Variants in SSC5D observed in about 807,000 individuals in gnomAD.
SSC5D encodes scavenger receptor cysteine rich family member with 5 domains.
SSC5D carries 106 observed loss-of-function variants against 104.6 expected under a neutral mutation model. The observed-to-expected ratio is 1.01, with a 90% CI of 0.87 to 1.19. The LOEUF (loss-of-function observed/expected upper bound fraction) is 1.19, where lower values mean the gene tolerates loss of function less well. Ranked by LOEUF, SSC5D falls within the 50% of genes most tolerant of loss-of-function variation. The pLI is 0.00. For missense variants in SSC5D, 1,993 were observed against 2,153.8 expected, an observed-to-expected ratio of 0.93 and a Z score of 1.48; for synonymous variants, 860 against 883.5, an observed-to-expected ratio of 0.97 and a Z score of 0.47.
chr19:55,501,336 C>T (rs1987498648), intron 12 of SSC5D, 135 bp downstream of exon 12: 1 of 1,027,146 alleles, frequency 9.7e-7, no homozygotes, highest in African/African-American at 1.6e-5. Context: ...TTCCTTGGCT[C>T]CTGAGACCCT....
At chr19:55,489,849 C>T (rs1272878892) in intron 3 of SSC5D, 33 bp from the exon 4 acceptor site, 2 of 1,537,180 alleles carry the variant, frequency 1.3e-6, no homozygotes, top group Non-Finnish European at 1.8e-6. Flanking sequence ...CCCTCCTCTC[C>T]TCATAGCTTC....
chr19:55,490,430 CCG>C, intron 5 of SSC5D, 22 bp downstream of exon 5: 1 of 630,592 alleles, frequency 1.6e-6, no homozygotes, highest in Non-Finnish European at 2.5e-6. Context: ...GCAGGCTCCC[CCG>C]ACCCCAAGGC....
At chr19:55,501,334 C>CTCCTGAGA in intron 12 of SSC5D, 133 bp downstream of exon 12, 1 of 1,039,054 alleles carries the variant, frequency 9.6e-7, no homozygotes, top group South Asian at 1.7e-5. Flanking sequence ...TTTTCCTTGG[C>CTCCTGAGA]TCCTGAGACC....
rs1372730600 is a variant in SSC5D, at chr19:55,490,882, G to C, written c.697G>C (p.Ala233Pro). The C allele has an allele frequency of 6.5e-7, 1 of 1,546,184 alleles. No homozygotes were observed. Among genetic ancestry groups the C allele is most frequent in the South Asian group, 1.2e-5 (1 of 83,622 alleles). Residue 233 changes from alanine (A) to proline (P), a missense_variant, in exon 6 of 14, where the codon GCT (alanine) becomes CCT (proline). Transcript: ENST00000389623. ...CDDGWDLRDA[A>P]VACRELGCGG... is the part of the protein sequence containing the mutation. ...CGATGGCTGGGACCTGCGCGACGCTGCTGTAGCCTGCCGGGAACTGGGCTG... is the reference window on the plus strand; with the variant it reads ...CGATGGCTGGGACCTGCGCGACGCTCCTGTAGCCTGCCGGGAACTGGGCTG...
intron 13 of SSC5D, among the ~76,000 whole-genome samples, chr19:55,514,449 A>G (rs1730145263): frequency 1.5e-5 from 1 of 65,748 alleles, no homozygotes; most frequent in South Asian, 3.6e-4. Flanking sequence ...TAATAATAAT[A>G]ATAATAATAG....
chr19:55,515,356 A>C (rs2123459255), intron 13 of SSC5D, among the ~76,000 whole-genome samples: 1 of 144,448 alleles, frequency 6.9e-6, no homozygotes, highest in African/African-American at 2.6e-5. Flanking sequence ...AGATCGCGCC[A>C]CTGCACTCCA....
intron 9 of SSC5D, among the ~76,000 whole-genome samples, chr19:55,499,133 A>G (rs7258554): frequency 0.4 from 60,582 of 152,144 alleles, 12,760 homozygotes; most frequent in South Asian, 0.57. Context: ...AGCATAGGCG[A>G]TCTGGCATGG....
At chr19:55,495,406 T>C (rs532093291) in intron 8 of SSC5D, among the ~76,000 whole-genome samples, 1 of 149,010 alleles carries the variant, frequency 6.7e-6, no homozygotes, top group African/African-American at 2.5e-5. Context: ...TTTTGTATTT[T>C]TTTTTTTTGC....
At chr19:55,491,226 C>T (rs2123429508) in intron 6 of SSC5D, 146 bp downstream of exon 6, 1 of 847,628 alleles carries the variant, frequency 1.2e-6, no homozygotes, top group Non-Finnish European at 1.8e-6. Flanking sequence ...TCACCACGCT[C>T]TCCAGCCCCT....
intron 12 of SSC5D, chr19:55,504,265 C>A: frequency 1.1e-5 from 17 of 1,513,068 alleles, no homozygotes; most frequent in Non-Finnish European, 1.4e-5. Flanking sequence ...GGCCTCGGGA[C>A]CCCTCCCGTA....
intron 3 of SSC5D, 107 bp from the exon 4 acceptor site, chr19:55,489,775 C>T (rs1467147754): frequency 3.4e-6 from 5 of 1,473,586 alleles, no homozygotes; most frequent in East Asian, 2.5e-5. Context: ...GACACCCAAC[C>T]TCCCATCCCC....
At chr19:55,501,327 T>C (rs1405499648) in intron 12 of SSC5D, 126 bp downstream of exon 12, 1 of 1,148,126 alleles carries the variant, frequency 8.7e-7, no homozygotes, top group East Asian at 2.6e-5. Context: ...GGAAAGGTTT[T>C]CCTTGGCTCC....
In SSC5D at chr19:55,517,710, C is replaced by A; in HGVS notation, c.3434C>A (p.Pro1145His). 6.4e-7 allele frequency: 1 copy of A among 1,551,094 alleles called. No individual in the cohort carries two copies. Among genetic ancestry groups the A allele is most frequent in the Non-Finnish European group, 8.7e-7 (1 of 1,146,840 alleles). ...TCAGAATATTCTAGATCCCCAGACC[C>A]CTCCCCAAGCCCTCACCCCACTACT... ...TVSEYSRSPD[P>H]SPSPHPTTTP... Residue 1145 changes from proline (P) to histidine (H), a missense_variant, in exon 14 of 14, where the codon CCC (proline) becomes CAC (histidine). By Grantham distance (77) the Pro-to-His change is moderately conservative. Around this residue, in one of 6 missense-constraint regions of SSC5D, gnomAD observed 423 missense variants for 409.2 expected, o/e 1.03. Coordinates refer to ENST00000389623, the MANE Select transcript of SSC5D (RefSeq NM_001144950.2).
chr19:55,503,576 G>A lies in SSC5D; in HGVS notation c.2785+2375G>A, dbSNP rs936546449. 2.0e-5 allele frequency among the ~76,000 whole-genome samples: 3 copies of A among 151,348 alleles called. No homozygotes were observed. The highest frequency in any genetic ancestry group is 4.9e-5 in the African/African-American group (2 of 40,842). On this transcript the variant is annotated intron_variant, in intron 12 of 13. Transcript: ENST00000389623. This position sits in a 1 kb window ranked among gnomAD's most constrained non-coding sequence, Gnocchi z 4.0. ...GTTTCTCACCGTCCCCGCCGCCCTCGCCGCTCCCTCACGGGAGGTTTCACT... is the reference window on the plus strand; with the variant it reads ...GTTTCTCACCGTCCCCGCCGCCCTCACCGCTCCCTCACGGGAGGTTTCACT...
Position 55,518,816 on chromosome 19 carries a change from G to T in SSC5D, c.4540G>T (p.Glu1514Ter). The T allele has an allele frequency of 1.3e-6, 2 of 1,550,402 alleles. No homozygotes were observed. The highest frequency in any genetic ancestry group is 1.7e-6 in the Non-Finnish European group (2 of 1,146,974). Residue 1514 changes from glutamate (E) to a stop codon, truncating the protein, a stop_gained, in exon 14 of 14, where the codon GAG (glutamate) becomes TAG (stop). Coordinates refer to ENST00000389623, the MANE Select transcript of SSC5D (RefSeq NM_001144950.2). LOFTEE classifies it high-confidence loss of function. The stretch of plus-strand genomic sequence containing the variant: ...GAGACTGACCCAGGTCGTGGAACAG[G>T]AGCGGCAGGAGCGCCAAGCCCTGCT... ...LQRLTQVVEQERQERQALLLG... is the reference protein window; with the variant it reads ...LQRLTQVVEQ
intron 12 of SSC5D, among the ~76,000 whole-genome samples, chr19:55,502,814 C>G (rs1466245568): frequency 6.6e-6 from 1 of 150,850 alleles, no homozygotes; most frequent in Non-Finnish European, 1.5e-5. Context: ...CACCACCATG[C>G]CTGGCTAATT....
chr19:55,494,178 AGG>A (rs1174251589), intron 7 of SSC5D, among the ~76,000 whole-genome samples: 1 of 151,734 alleles, frequency 6.6e-6, no homozygotes, highest in Non-Finnish European at 1.5e-5. Context: ...CCTGGCACCC[AGG>A]GGTTAGAGGC....
In SSC5D at chr19:55,493,818, T is replaced by G; in HGVS notation, c.1119T>G (p.Cys373Trp). 6.5e-7 allele frequency: 1 copy of G among 1,549,048 alleles called. No individual in the cohort carries two copies. Among genetic ancestry groups the G allele is most frequent in the Non-Finnish European group, 8.7e-7 (1 of 1,146,520 alleles). Reference sequence around the variant, plus strand: ...CCATCATCCTGGACGACCTTCGGTGTCGGGGAAACGAGACGGCCTTACGAT... The same window carrying G: ...CCATCATCCTGGACGACCTTCGGTGGCGGGGAAACGAGACGGCCTTACGAT... Reference protein sequence around the residue: ...SGPIILDDLRCRGNETALRFC... With the variant: ...SGPIILDDLRWRGNETALRFC... The change falls in exon 7 of 14, where the codon TGT becomes TGG. Residue 373 changes from cysteine (C) to tryptophan (W), a missense_variant. By Grantham distance (215) the Cys-to-Trp change is radical. Around this residue, in one of 6 missense-constraint regions of SSC5D, gnomAD observed 1,101 missense variants for 1,085.0 expected, o/e 1.01. Coordinates refer to ENST00000389623, the MANE Select transcript of SSC5D (RefSeq NM_001144950.2).
rs1987948855 is a variant in SSC5D, at chr19:55,518,596, C to T, written c.4320C>T (p.Pro1440=). ...CTGACCTTACTGTGTCCCCTGACCC[C>T]CTCCTTTCCCCCACAGCCCACCCCT... ...SASDLTVSPD[P]LLSPTAHPLD... Residue 1440 remains proline (P), a synonymous_variant, in exon 14 of 14, where the codon CCC becomes CCT. Transcript: ENST00000389623. 2 of 1,534,672 alleles carry T rather than the reference C, an allele frequency of 1.3e-6. No homozygotes were observed. Among genetic ancestry groups the T allele is most frequent in the African/African-American group, 2.8e-5 (2 of 72,636 alleles).
Sources: gnomAD v4.1 joint callset for allele counts (sites outside exome capture counted in the v4.1 genomes callset) on GRCh38, gnomAD v4.1.1 for gene constraint, gnomAD v4.1.1 regional missense constraint, Gnocchi (gnomAD v3.1) non-coding constraint, MANE v1.5 for transcripts, NCBI Gene and HGNC (gene_info 2026-07-23, HGNC 2026-07-21) for gene names.